The following EPHA6 variants were observed in gnomAD, a reference collection of about 807,000 sequenced individuals.
EPHA6 encodes EPH receptor A6, also known as ephrin type-A receptor 6.
EPHA6 carries 50 observed loss-of-function variants against 112.0 expected under a neutral mutation model. The ratio of observed to expected loss-of-function variants is 0.45; its 90% CI spans 0.36 to 0.56. The LOEUF (loss-of-function observed/expected upper bound fraction) is 0.56. EPHA6 is among the 20% of genes least tolerant of loss of function. The pLI is 0.00. For missense variants in EPHA6, 1,280 were observed against 1,417.4 expected (o/e 0.90, Z 1.56); for synonymous variants, 529 against 490.7 (o/e 1.08, Z -1.03).
chr3:97,131,091 A>G (rs559600592), intron 3 of EPHA6, among the ~76,000 whole-genome samples: 136 of 152,262 alleles, frequency 8.9e-4, no homozygotes, highest in African/African-American at 3.2e-3. Context: ...AAATTGTCAT[A>G]GCAGAGAAGA....
intron 6 of EPHA6, among the ~76,000 whole-genome samples, chr3:97,436,832 T>C (rs1203897573): frequency 6.6e-6 from 1 of 152,190 alleles, no homozygotes; most frequent in Non-Finnish European, 1.5e-5. Context: ...TTTTATCTGC[T>C]ACCTTTTATT....
intron 3 of EPHA6, among the ~76,000 whole-genome samples, chr3:97,108,808 T>C (rs2047640750): frequency 1.3e-5 from 2 of 152,166 alleles, no homozygotes; most frequent in South Asian, 4.1e-4. Flanking sequence ...TTCCAGTTAT[T>C]ATTGAGAATT....
At chr3:96,902,661 G>A (rs1186464242) in intron 2 of EPHA6, among the ~76,000 whole-genome samples, 1 of 152,130 alleles carries the variant, frequency 6.6e-6, no homozygotes, top group African/African-American at 2.4e-5. Context: ...CAGAGCCAGT[G>A]AGCACTGTGC....
chr3:97,702,767 TA>T (rs1026395403), intron 14 of EPHA6, among the ~76,000 whole-genome samples: 11 of 152,316 alleles, frequency 7.2e-5, no homozygotes, highest in African/African-American at 1.7e-4. Flanking sequence ...TTTATTTATT[TA>T]TTTTTTTTAC....
At chr3:97,181,604 T>C (rs762087954) in intron 3 of EPHA6, among the ~76,000 whole-genome samples, 1 of 151,808 alleles carries the variant, frequency 6.6e-6, no homozygotes, top group Non-Finnish European at 1.5e-5. Context: ...TGTGTATATA[T>C]GTGTGTGTGT....
Position 97,244,247 on chromosome 3 carries a change from C to T in EPHA6, c.1566C>T (p.Pro522=), listed in dbSNP as rs752702302. Residue 522 remains proline, a synonymous_variant, in exon 5 of 18, where the codon CCC becomes CCT. Transcript: ENST00000389672. ...MNGVSELSFS[P]KPFTAITVTT... ...GAGTTTCTGAGTTGAGTTTTTCTCC[C>T]AAGCCATTCACAGCTATTACAGTGA... 2 of 1,613,210 alleles carry T rather than the reference C, an allele frequency of 1.2e-6. No homozygotes were observed. Among genetic ancestry groups the T allele is most frequent in the Non-Finnish European group, 1.7e-6 (2 of 1,179,392 alleles).
intron 11 of EPHA6, among the ~76,000 whole-genome samples, chr3:97,547,152 A>T (rs574027515): frequency 1.3e-5 from 2 of 151,912 alleles, no homozygotes; most frequent in Non-Finnish European, 2.9e-5. Flanking sequence ...TGCTTTTTAG[A>T]GTTTCCAGTT....
At chr3:96,815,164 C>T (rs2032665083) in intron 1 of EPHA6, among the ~76,000 whole-genome samples, 156 bp downstream of exon 1, 1 of 152,068 alleles carries the variant, frequency 6.6e-6, no homozygotes, top group Non-Finnish European at 1.5e-5. Flanking sequence ...ACCCTAGCGC[C>T]CTGTTTACAC....
At chr3:96,854,817 G>A (rs2107391706) in intron 1 of EPHA6, among the ~76,000 whole-genome samples, 1 of 152,288 alleles carries the variant, frequency 6.6e-6, no homozygotes, top group Admixed American at 6.5e-5. Flanking sequence ...GGAATTGGTA[G>A]GGGTTAGAAA....
intron 6 of EPHA6, 53 bp downstream of exon 6, chr3:97,405,327 T>C: frequency 4.2e-6 from 6 of 1,431,948 alleles, no homozygotes; most frequent in Non-Finnish European, 5.8e-6. Context: ...CATATATATG[T>C]ATATATTGAG....
chr3:97,711,755 T>G (rs1303506019), intron 14 of EPHA6, among the ~76,000 whole-genome samples: 1 of 152,220 alleles, frequency 6.6e-6, no homozygotes, highest in Non-Finnish European at 1.5e-5. Flanking sequence ...CTTAATCTAC[T>G]GATTCAAATG....
chr3:97,620,835 CATT>C (rs1171236205), intron 13 of EPHA6, among the ~76,000 whole-genome samples: 5 of 151,982 alleles, frequency 3.3e-5, no homozygotes, highest in African/African-American at 1.2e-4. Flanking sequence ...TTAGTTCAAT[CATT>C]GTAACAGACA....
chr3:97,605,147 G>C (rs1463647724), intron 12 of EPHA6, among the ~76,000 whole-genome samples: 1 of 151,488 alleles, frequency 6.6e-6, no homozygotes, highest in Non-Finnish European at 1.5e-5. Context: ...AAATTCATAG[G>C]AGAGTTTACA....
chr3:97,629,143 G>T (rs766336750), intron 13 of EPHA6, among the ~76,000 whole-genome samples: 1 of 151,942 alleles, frequency 6.6e-6, no homozygotes, highest in East Asian at 1.9e-4. Context: ...GCCCAGGCTT[G>T]TCTCAATCTC....
At chr3:97,240,910 A>T (rs575947057) in intron 4 of EPHA6, among the ~76,000 whole-genome samples, 1 of 151,976 alleles carries the variant, frequency 6.6e-6, no homozygotes, top group South Asian at 2.1e-4. Context: ...AGGATTGCAT[A>T]GGACATATTT....
At chr3:97,146,251 C>G (rs567689246) in intron 3 of EPHA6, among the ~76,000 whole-genome samples, 1 of 151,826 alleles carries the variant, frequency 6.6e-6, no homozygotes, top group Admixed American at 6.6e-5. Context: ...TCTATCCTTC[C>G]TTGACATTCT....
At chr3:97,433,687 C>T (rs2089652159) in intron 6 of EPHA6, among the ~76,000 whole-genome samples, 1 of 152,078 alleles carries the variant, frequency 6.6e-6, no homozygotes, top group Admixed American at 6.6e-5. Flanking sequence ...TATCCCAATT[C>T]CATTTGACAA....
chr3:97,113,190 T>C (rs1240883158), intron 3 of EPHA6, among the ~76,000 whole-genome samples: 2 of 152,112 alleles, frequency 1.3e-5, no homozygotes, highest in Non-Finnish European at 2.9e-5. Flanking sequence ...TATATTACCA[T>C]TGTCTTCACT....
chr3:97,414,388 A>G (rs2087957023), intron 6 of EPHA6, among the ~76,000 whole-genome samples: 1 of 152,152 alleles, frequency 6.6e-6, no homozygotes, highest in East Asian at 1.9e-4. Flanking sequence ...CTTTTAGAAA[A>G]TGCCTTACTT....
Sources: gnomAD v4.1 joint callset for allele counts (sites outside exome capture counted in the v4.1 genomes callset) on GRCh38, gnomAD v4.1.1 for gene constraint, MANE v1.5 for transcripts, NCBI Gene and HGNC (gene_info 2026-07-23, HGNC 2026-07-21) for gene names.